The following MIDEAS variants were observed in gnomAD, a reference collection of about 807,000 sequenced individuals.
The protein encoded by MIDEAS is mitotic deacetylase-associated SANT domain protein.
MIDEAS carries 26 observed loss-of-function variants against 102.7 expected under a neutral mutation model. That is an observed-to-expected ratio of 0.25 (90% CI 0.19 to 0.35). The LOEUF (loss-of-function observed/expected upper bound fraction) is 0.35, where lower values mean the gene tolerates loss of function less well. MIDEAS is among the 10% of genes least tolerant of loss of function. The pLI is 1.00. For missense variants in MIDEAS, 1,231 were observed against 1,435.6 expected (o/e 0.86, Z 2.30); for synonymous variants, 585 against 591.0 (o/e 0.99, Z 0.15).
intron 11 of MIDEAS, among the ~76,000 whole-genome samples, chr14:73,720,234 TC>T (rs2052967831): frequency 7.0e-6 from 1 of 143,262 alleles, no homozygotes; most frequent in African/African-American, 2.6e-5. Context: ...CTACACACAT[TC>T]CTTTTTTTTT....
chr14:73,755,170 G>A (rs1431058918), intron 1 of MIDEAS, among the ~76,000 whole-genome samples: 1 of 152,178 alleles, frequency 6.6e-6, no homozygotes, highest in Non-Finnish European at 1.5e-5. Context: ...TTCCCTGGCT[G>A]GCCACAGCAC....
intron 1 of MIDEAS, among the ~76,000 whole-genome samples, chr14:73,785,927 C>G (rs2053803308): frequency 6.6e-6 from 1 of 152,224 alleles, no homozygotes; most frequent in African/African-American, 2.4e-5. Context: ...AGCTCAGACC[C>G]AGATCTATCC....
intron 1 of MIDEAS, among the ~76,000 whole-genome samples, chr14:73,769,215 G>A (rs2053619660): frequency 6.6e-6 from 1 of 152,232 alleles, no homozygotes; most frequent in Admixed American, 6.5e-5. Context: ...AGCTGGGCAG[G>A]TGTGGAGATG....
At chr14:73,752,482 G>A (rs1022011826) in intron 1 of MIDEAS, among the ~76,000 whole-genome samples, 3 of 152,168 alleles carry the variant, frequency 2.0e-5, no homozygotes. Flanking sequence ...GGTGCTTGGG[G>A]GTTGGATGGG....
rs538193878 is a variant in MIDEAS at position 73,781,658 on chromosome 14, C to T, written c.-248+5444G>A. Among the ~76,000 whole-genome samples, 11 of 144,110 alleles carry T rather than the reference C, an allele frequency of 7.6e-5. No individual in the cohort carries two copies. In the East Asian group the frequency reaches 1.4e-3, roughly 19 times the overall value. The allele number at this position is 144,110 out of a possible 152,430, so 94.5% of individuals were successfully genotyped here. A position where few individuals can be genotyped will look rare whatever the true frequency, so the allele number is the denominator to read the frequency against. On this transcript the variant is annotated intron_variant, in intron 1 of 11. Transcript: ENST00000394071. Reference sequence around the variant, plus strand: ...CCGAGGTAGTAGAATCACTTGAACCCGGCAGGCAGAGATTATGGTGAGCCA... The same window carrying T: ...CCGAGGTAGTAGAATCACTTGAACCTGGCAGGCAGAGATTATGGTGAGCCA...
At chr14:73,745,119 C>G (rs1311339956) in intron 1 of MIDEAS, among the ~76,000 whole-genome samples, 1 of 152,224 alleles carries the variant, frequency 6.6e-6, no homozygotes, top group Non-Finnish European at 1.5e-5. Flanking sequence ...GGGCTCCTGC[C>G]TGCTCCTGAC....
intron 1 of MIDEAS, among the ~76,000 whole-genome samples, chr14:73,746,891 C>T (rs2053359525): frequency 6.6e-6 from 1 of 152,214 alleles, no homozygotes; most frequent in Admixed American, 6.5e-5. Context: ...ACACAGGAGA[C>T]ACAGAGCTTC....
chr14:73,736,614 G>A (rs950791229), intron 3 of MIDEAS, among the ~76,000 whole-genome samples: 2 of 137,706 alleles, frequency 1.5e-5, no homozygotes, highest in Non-Finnish European at 3.1e-5. Flanking sequence ...CTGGGTGACA[G>A]AGCAAGACTC....
chr14:73,719,639 C>T, intron 11 of MIDEAS, 138 bp from the exon 12 acceptor site: 2 of 796,534 alleles, frequency 2.5e-6, no homozygotes, highest in Non-Finnish European at 4.0e-6. Context: ...TTGGGTCCTT[C>T]CAGGGATATG....
chr14:73,739,232 C>CTGCTGCTGCTGCTGTGGT lies in MIDEAS; in HGVS notation c.759_776dup (p.Pro254_Gln259dup), dbSNP rs754924219. 6 of 1,612,340 alleles carry CTGCTGCTGCTGCTGTGGT rather than the reference C, an allele frequency of 3.7e-6. No individual in the cohort carries two copies. The highest frequency in any genetic ancestry group is 4.2e-6 in the Non-Finnish European group (5 of 1,179,532). ...TCTGGGGTAGGGCTGCCTGCTGCTG[C>CTGCTGCTGCTGCTGTGGT]TGCTGCTGCTGCTGTGGTTGCTGCT... On this transcript the variant is annotated inframe_insertion, in exon 2 of 13. Transcript: ENST00000423556.
Position 73,740,054 on chromosome 14 carries a change from G to T in MIDEAS, c.-46C>A. 7.0e-7 allele frequency: 1 copy of T among 1,428,676 alleles called. No homozygotes were observed. Among genetic ancestry groups the T allele is most frequent in the Non-Finnish European group, 9.2e-7 (1 of 1,088,938 alleles). The allele number at this position is 1,428,676 out of a possible 1,614,324, so 88.5% of individuals were successfully genotyped here. A position where few individuals can be genotyped will look rare whatever the true frequency, so the allele number is the denominator to read the frequency against. On this transcript the variant is annotated 5_prime_UTR_variant, in exon 2 of 13. Transcript: ENST00000423556. ...GGCGGTGAGATCCCCTTCAACAGTC[G>T]CCCATCCCCTGGGGAAACGTCCTGC... is the stretch of plus-strand genomic sequence containing the variant.
chr14:73,768,448 C>T (rs561105670), intron 1 of MIDEAS, among the ~76,000 whole-genome samples: 1 of 152,096 alleles, frequency 6.6e-6, no homozygotes, highest in South Asian at 2.1e-4. Context: ...GGCCATTCTC[C>T]CTCACAGATG....
At chr14:73,728,629 T>C (rs1305932655) in intron 4 of MIDEAS, 1 of 152,570 alleles carries the variant, frequency 6.6e-6, no homozygotes, top group Non-Finnish European at 1.5e-5. Context: ...AACCTCTGTT[T>C]TTTCAACTCC....
chr14:73,778,953 G>C (rs903874931), intron 1 of MIDEAS, among the ~76,000 whole-genome samples: 1 of 151,982 alleles, frequency 6.6e-6, no homozygotes, highest in African/African-American at 2.4e-5. Context: ...AATGGAATCT[G>C]TTCACATGTT....
chr14:73,773,566 C>G (rs2053661241), intron 1 of MIDEAS, among the ~76,000 whole-genome samples: 1 of 151,970 alleles, frequency 6.6e-6, no homozygotes, highest in Non-Finnish European at 1.5e-5. Context: ...CACACACATT[C>G]ATGGGTTCCT....
intron 1 of MIDEAS, among the ~76,000 whole-genome samples, chr14:73,775,347 GT>G (rs1198936456): frequency 6.6e-6 from 1 of 152,020 alleles, no homozygotes; most frequent in East Asian, 1.9e-4. Context: ...CCAAAGCTGT[GT>G]TTTAGTAAAA....
rs2053290641 is a variant in MIDEAS, at chr14:73,742,216, G to GCCTCCAGGGGGCTGCGAGCC, written c.-247-1981_-247-1962dup. ...GTGCGCCAGCCTGGCAAGCCCACGT[G>GCCTCCAGGGGGCTGCGAGCC]CCTCCAGGGGGCTGCGAGCCCCTCC... is the stretch of plus-strand genomic sequence containing the variant. On this transcript the variant is annotated intron_variant, in intron 1 of 12. Coordinates refer to ENST00000423556, the MANE Select transcript of MIDEAS (RefSeq NM_001367710.1). The surrounding 1 kb of genome is among the most constrained non-coding windows in gnomAD (Gnocchi z 4.4). 1.3e-5 allele frequency among the ~76,000 whole-genome samples: 2 copies of GCCTCCAGGGGGCTGCGAGCC among 152,254 alleles called. No homozygotes were observed. The highest frequency in any genetic ancestry group is 2.4e-5 in the African/African-American group (1 of 41,474).
At position 73,740,199 on chromosome 14, in the gene MIDEAS, A is replaced by C; in HGVS notation, c.-191T>G. On this transcript the variant is annotated 5_prime_UTR_variant, in exon 2 of 13. Coordinates refer to ENST00000423556, the MANE Select transcript of MIDEAS (RefSeq NM_001367710.1). Reference sequence around the variant, plus strand: ...CTGGCTCTTCCTTTCTCTTCCAGAGAGGCTCTGGGGCTCAGCTACTCTTCC... The same window carrying C: ...CTGGCTCTTCCTTTCTCTTCCAGAGCGGCTCTGGGGCTCAGCTACTCTTCC... 9.8e-6 allele frequency: 6 copies of C among 614,490 alleles called. No individual in the cohort carries two copies. The highest frequency in any genetic ancestry group is 1.4e-5 in the Non-Finnish European group (6 of 416,564). 38.1% of individuals were successfully genotyped at this position (614,490 alleles called of 1,614,324 possible). A position where few individuals can be genotyped will look rare whatever the true frequency, so the allele number is the denominator to read the frequency against.
intron 1 of MIDEAS, among the ~76,000 whole-genome samples, chr14:73,746,609 C>A (rs189202672): frequency 8.5e-5 from 13 of 152,346 alleles, no homozygotes; most frequent in African/African-American, 3.1e-4. Context: ...GGCTGCTGCA[C>A]TACCTCCCTT....
Sources: gnomAD v4.1 joint callset for allele counts (sites outside exome capture counted in the v4.1 genomes callset) on GRCh38, gnomAD v4.1.1 for gene constraint, Gnocchi (gnomAD v3.1) non-coding constraint, MANE v1.5 for transcripts, NCBI Gene and HGNC (gene_info 2026-07-23, HGNC 2026-07-21) for gene names.